Variants in TRMT61B observed in about 807,000 individuals in gnomAD.
The protein encoded by TRMT61B is tRNA (adenine(58)-N(1))-methyltransferase, mitochondrial.
In TRMT61B, 56 loss-of-function variants were observed where a neutral mutation model predicts 52.0. The observed-to-expected ratio is 1.08, with a 90% CI of 0.87 to 1.35. The LOEUF is 1.35. TRMT61B is among the 40% of genes most tolerant of loss of function. The probability of loss-of-function intolerance (pLI) is 0.00; values close to 1 mark genes in which losing one functional copy is unlikely to be tolerated. For synonymous variants in TRMT61B, 206 were observed against 220.0 expected (o/e 0.94, Z 0.56); for missense variants, 650 against 577.9 (o/e 1.12, Z -1.28).
chr2:28,870,092 T>A lies in TRMT61B; in HGVS notation c.186A>T (p.Pro62=). The change falls in exon 1 of 7, where the codon CCA becomes CCT. Residue 62 remains proline, a synonymous_variant. Transcript: ENST00000306108. The part of the protein sequence containing the change: ...REHEAAQRKA[P]GAESCPSLPL... ...GGAGAGATGGGCAAGACTCTGCTCC[T>A]GGGGCTTTCCTTTGTGCCGCCTCGT... 6.2e-7 allele frequency: 1 copy of A among 1,614,050 alleles called. No individual in the cohort carries two copies. The highest frequency in any genetic ancestry group is 8.5e-7 in the Non-Finnish European group (1 of 1,180,006).
At chr2:28,854,861 A>C (rs1335476445) in intron 3 of TRMT61B, among the ~76,000 whole-genome samples, 2 of 151,386 alleles carry the variant, frequency 1.3e-5, no homozygotes, top group East Asian at 3.9e-4. Flanking sequence ...TCAAGGCTGC[A>C]GTGAGCTGTG....
At chr2:28,860,187 G>A (rs543064884) in intron 3 of TRMT61B, among the ~76,000 whole-genome samples, 90 of 135,126 alleles carry the variant, frequency 6.7e-4, no homozygotes, top group Admixed American at 1.9e-3. Context: ...CAGGAGAATC[G>A]CTTGAACCCG....
chr2:28,864,126 G>C (rs2148145961), intron 2 of TRMT61B, among the ~76,000 whole-genome samples: 1 of 151,930 alleles, frequency 6.6e-6, no homozygotes, highest in South Asian at 2.1e-4. Flanking sequence ...AAAAAAAAAA[G>C]ATAATTCTTC....
chr2:28,867,623 G>C (rs1474187283), intron 1 of TRMT61B, among the ~76,000 whole-genome samples: 1 of 152,124 alleles, frequency 6.6e-6, no homozygotes, highest in Non-Finnish European at 1.5e-5. Flanking sequence ...GTAACAAATG[G>C]AAAGGCAGAA....
intron 2 of TRMT61B, among the ~76,000 whole-genome samples, chr2:28,864,798 A>G (rs1669758578): frequency 6.6e-6 from 1 of 152,264 alleles, no homozygotes; most frequent in South Asian, 2.1e-4. Context: ...GAGCATGGAG[A>G]AAGTAAAACA....
At chr2:28,852,086 C>G (rs1669132229) in intron 4 of TRMT61B, among the ~76,000 whole-genome samples, 1 of 150,318 alleles carries the variant, frequency 6.7e-6, no homozygotes, top group South Asian at 2.1e-4. Context: ...ACCAGGTGAG[C>G]AGATCACCTG....
chr2:28,853,266 C>T (rs944018007), intron 3 of TRMT61B, among the ~76,000 whole-genome samples: 2 of 151,886 alleles, frequency 1.3e-5, no homozygotes, highest in African/African-American at 4.8e-5. Flanking sequence ...ACTTCCACCT[C>T]CTGAACTCAA....
rs113688860 is a variant in TRMT61B at position 28,861,026 on chromosome 2, C to T, written c.993+92G>A. 1.5e-4 allele frequency: 158 copies of T among 1,080,566 alleles called. 1 individual carries two copies. In the African/African-American group the frequency reaches 1.6e-3, roughly 11 times the overall value. 66.9% of individuals were successfully genotyped at this position (1,080,566 alleles called of 1,614,324 possible). On this transcript the variant is annotated intron_variant, in intron 3 of 6. Coordinates refer to ENST00000306108, the MANE Select transcript of TRMT61B (RefSeq NM_017910.4). ...TCCCTAGAGATAGACATGAAGCAAA[C>T]GAAGGAAGACCTTTGCCCATACAAA... is the stretch of plus-strand genomic sequence containing the variant.
chr2:28,857,026 T>G (rs746673394), intron 3 of TRMT61B, among the ~76,000 whole-genome samples: 8 of 151,978 alleles, frequency 5.3e-5, no homozygotes, highest in Non-Finnish European at 8.8e-5. Flanking sequence ...CTCTGCCTCC[T>G]GGGTTCCAGC....
intron 3 of TRMT61B, among the ~76,000 whole-genome samples, chr2:28,858,891 T>A (rs920512150): frequency 2.0e-5 from 3 of 151,578 alleles, no homozygotes; most frequent in African/African-American, 7.3e-5. Context: ...CATATTTGTT[T>A]ATTTCTTTTC....
At chr2:28,867,791 G>A (rs763788388) in intron 1 of TRMT61B, among the ~76,000 whole-genome samples, 7 of 152,050 alleles carry the variant, frequency 4.6e-5, no homozygotes, top group Admixed American at 6.6e-5. Context: ...AGGAGCGGTC[G>A]TTCTCACCTG....
chr2:28,869,512 G>A (rs1669989331), intron 1 of TRMT61B, 67 bp downstream of exon 1: 8 of 1,105,288 alleles, frequency 7.2e-6, no homozygotes. Context: ...ACATTAATCA[G>A]GACTGAGTAC....
intron 2 of TRMT61B, among the ~76,000 whole-genome samples, chr2:28,864,812 CA>C (rs1170659598): frequency 2.0e-5 from 3 of 151,866 alleles, no homozygotes; most frequent in African/African-American, 7.3e-5. Context: ...TAAAACAAAG[CA>C]AAGAAAATTG....
chr2:28,867,914 T>C (rs1011460599), intron 1 of TRMT61B, among the ~76,000 whole-genome samples: 1 of 151,994 alleles, frequency 6.6e-6, no homozygotes, highest in Non-Finnish European at 1.5e-5. Context: ...TAGCTAGGCA[T>C]AGTGGCATGC....
chr2:28,859,859 G>C (rs1669523013), intron 3 of TRMT61B, among the ~76,000 whole-genome samples: 1 of 151,984 alleles, frequency 6.6e-6, no homozygotes. Flanking sequence ...CCCCCTTATT[G>C]AGCTGTAACA....
intron 3 of TRMT61B, among the ~76,000 whole-genome samples, chr2:28,854,728 G>T (rs1350469479): frequency 8.3e-6 from 1 of 121,018 alleles, no homozygotes; most frequent in Non-Finnish European, 1.6e-5. Context: ...GACAGAGCGA[G>T]ACTCCGTCTC....
chr2:28,851,391 ATAGT>A (rs1558337471), intron 4 of TRMT61B, 93 bp from the exon 5 acceptor site: 7 of 847,660 alleles, frequency 8.3e-6, no homozygotes, highest in African/African-American at 1.7e-5. Flanking sequence ...TTTAAATACC[ATAGT>A]TAAATTAAGG....
intron 1 of TRMT61B, among the ~76,000 whole-genome samples, chr2:28,866,216 C>G (rs1167793114): frequency 2.6e-5 from 4 of 151,932 alleles, no homozygotes; most frequent in Non-Finnish European, 5.9e-5. Context: ...GTCTCAAACT[C>G]CTGATTTCAG....
At chr2:28,859,838 CAG>C (rs1669521194) in intron 3 of TRMT61B, among the ~76,000 whole-genome samples, 1 of 152,070 alleles carries the variant, frequency 6.6e-6, no homozygotes, top group East Asian at 1.9e-4. Context: ...ATGACCTAAA[CAG>C]AGCTCTTTCC....
Sources: gnomAD v4.1 joint callset for allele counts (sites outside exome capture counted in the v4.1 genomes callset) on GRCh38, gnomAD v4.1.1 for gene constraint, MANE v1.5 for transcripts, NCBI Gene and HGNC (gene_info 2026-07-23, HGNC 2026-07-21) for gene names.